The following LARP4B variants were observed in gnomAD, a reference collection of about 807,000 sequenced individuals.
LARP4B encodes La ribonucleoprotein 4B.
Under a neutral mutation model 89.8 loss-of-function variants are expected in LARP4B, and 12 were observed. That is an observed-to-expected ratio of 0.13 (90% CI 0.09 to 0.22). The LOEUF is 0.22. Among genes scored for constraint, LARP4B ranks in the 10% least tolerant of loss-of-function variants. The probability of loss-of-function intolerance (pLI) is 1.00; values close to 1 mark genes in which losing one functional copy is unlikely to be tolerated. For synonymous variants in LARP4B, 367 were observed against 363.3 expected (o/e 1.01, Z -0.12); for missense variants, 757 against 947.7 (o/e 0.80, Z 2.64).
the LARP4B span, among the ~76,000 whole-genome samples, chr10:939,720 G>C: frequency 6.6e-6 from 1 of 152,210 alleles, no homozygotes; most frequent in Non-Finnish European, 1.5e-5. Context: ...ATGAGATTTG[G>C]GAAAGACTCC....
the LARP4B span, among the ~76,000 whole-genome samples, chr10:955,649 C>T: frequency 9.3e-3 from 1,415 of 152,246 alleles, 25 homozygotes; most frequent in African/African-American, 0.032. The surrounding 1 kb of genome is among the most constrained non-coding windows in gnomAD (Gnocchi z 5.2). Flanking sequence ...TTGCTAACAC[C>T]ATGGTTATTA....
At chr10:843,291 G>T (rs931066693) in intron 6 of LARP4B, among the ~76,000 whole-genome samples, 1 of 152,190 alleles carries the variant, frequency 6.6e-6, no homozygotes, top group Non-Finnish European at 1.5e-5. Flanking sequence ...AAAGTATACT[G>T]TACTTTCTAC....
At chr10:927,656 C>T (rs1837181718) in intron 1 of LARP4B, among the ~76,000 whole-genome samples, 1 of 152,178 alleles carries the variant, frequency 6.6e-6, no homozygotes, top group Non-Finnish European at 1.5e-5. Context: ...GAGAACTCTT[C>T]ACATCAATAA....
upstream of LARP4B, among the ~76,000 whole-genome samples, chr10:932,786 G>A (rs1830688399): frequency 3.3e-5 from 5 of 149,574 alleles, no homozygotes; most frequent in South Asian, 1.1e-3. Flanking sequence ...CCACACCCGG[G>A]ACCAAGGCCC....
chr10:921,830 T>G (rs753000467), intron 1 of LARP4B, among the ~76,000 whole-genome samples: 3 of 152,174 alleles, frequency 2.0e-5, no homozygotes, highest in Non-Finnish European at 4.4e-5. Context: ...TTCATCGGTG[T>G]GTACAAAGAA....
At chr10:891,261 T>C (rs1836011137) in intron 1 of LARP4B, among the ~76,000 whole-genome samples, 1 of 152,112 alleles carries the variant, frequency 6.6e-6, no homozygotes, top group Non-Finnish European at 1.5e-5. Context: ...GTGGAAAGTT[T>C]CGGAACTGGC....
intron 1 of LARP4B, among the ~76,000 whole-genome samples, chr10:930,136 A>G (rs1837258477): frequency 6.6e-6 from 1 of 151,826 alleles, no homozygotes; most frequent in East Asian, 1.9e-4. Flanking sequence ...AGAGGACACC[A>G]CTCTTCCCCA....
intron 3 of LARP4B, chr10:873,105 C>T (rs2131887299): frequency 1.0e-6 from 1 of 985,378 alleles, no homozygotes; most frequent in East Asian, 1.1e-4. Context: ...TTTTCACTGT[C>T]ATTGTCACTA....
the LARP4B span, among the ~76,000 whole-genome samples, chr10:966,056 TTGTGTGTG>T: frequency 5.8e-4 from 75 of 128,304 alleles, no homozygotes; most frequent in African/African-American, 1.6e-3. Flanking sequence ...TGTGTGGGTT[TTGTGTGTG>T]TGTGTGTGTG....
rs1253843619 is a variant in LARP4B at position 829,725 on chromosome 10, A to G, written c.871T>C (p.Tyr291His). The G allele has an allele frequency of 3.7e-6, 6 of 1,612,164 alleles. No homozygotes were observed. The highest frequency in any genetic ancestry group is 5.1e-6 in the Non-Finnish European group (6 of 1,178,660). Reference sequence around the variant, plus strand: ...AAAGTTTTGACTTCTTCTCGAAGGTATTTGTAAGCCTAAGGGCAAAATTAA... The same window carrying G: ...AAAGTTTTGACTTCTTCTCGAAGGTGTTTGTAAGCCTAAGGGCAAAATTAA... ...TEADAQQAYK[Y>H]LREEVKTFQG... Residue 291 changes from tyrosine to histidine, a missense_variant, in exon 10 of 18, where the codon TAC becomes CAC. Transcript: ENST00000316157.
At chr10:943,461 A>T in the LARP4B span, among the ~76,000 whole-genome samples, 4 of 151,812 alleles carry the variant, frequency 2.6e-5, no homozygotes, top group Non-Finnish European at 5.9e-5. Context: ...ACAGGGCCTC[A>T]CTCTGTCACC....
At chr10:886,863 G>C (rs1450854852) in intron 1 of LARP4B, among the ~76,000 whole-genome samples, 1 of 152,106 alleles carries the variant, frequency 6.6e-6, no homozygotes, top group African/African-American at 2.4e-5. Flanking sequence ...GCCAAAGCAG[G>C]CAGATCACCT....
At chr10:869,311 C>T (rs1199009378) in intron 3 of LARP4B, among the ~76,000 whole-genome samples, 1 of 152,186 alleles carries the variant, frequency 6.6e-6, no homozygotes, top group African/African-American at 2.4e-5. Flanking sequence ...ATCAACTACA[C>T]TGCCCACGAG....
upstream of LARP4B, among the ~76,000 whole-genome samples, chr10:933,269 C>T (rs1264391654): frequency 2.0e-5 from 3 of 152,130 alleles, no homozygotes; most frequent in African/African-American, 4.8e-5. Context: ...TAACCGTGTA[C>T]CTGTGCTTAC....
intron 5 of LARP4B, among the ~76,000 whole-genome samples, chr10:859,086 C>T (rs1834456367): frequency 6.6e-6 from 1 of 152,010 alleles, no homozygotes; most frequent in African/African-American, 2.4e-5. Context: ...TGAGACCAGA[C>T]TGGCCAACAT....
chr10:987,594 T>C, the LARP4B span: 1 of 152,188 alleles, frequency 6.6e-6, no homozygotes, highest in Non-Finnish European at 1.5e-5. Flanking sequence ...CGAGTTAATA[T>C]ATAGTCAGCA....
intron 5 of LARP4B, among the ~76,000 whole-genome samples, chr10:856,796 GTTC>G (rs1378705667): frequency 3.9e-5 from 6 of 152,172 alleles, no homozygotes; most frequent in Non-Finnish European, 5.9e-5. Context: ...AGAGCACTCT[GTTC>G]TTCTTAACAA....
intron 3 of LARP4B, chr10:873,108 T>C: frequency 1.0e-6 from 1 of 985,406 alleles, no homozygotes; most frequent in Non-Finnish European, 1.2e-6. Context: ...TCACTGTCAT[T>C]GTCACTACTT....
intron 1 of LARP4B, among the ~76,000 whole-genome samples, chr10:892,690 C>T (rs943787228): frequency 2.6e-5 from 4 of 151,528 alleles, no homozygotes; most frequent in African/African-American, 9.7e-5. Flanking sequence ...CAGGCGCCGG[C>T]CACCACACCC....
Sources: allele counts gnomAD v4.1 joint callset (sites outside exome capture counted in the v4.1 genomes callset), GRCh38; gene constraint gnomAD v4.1.1; non-coding constraint Gnocchi (gnomAD v3.1); transcripts MANE v1.5; gene names NCBI Gene and HGNC (gene_info 2026-07-23, HGNC 2026-07-21).